ROBO1: variants seen among roughly 807,000 people sequenced by gnomAD.
ROBO1 encodes the protein roundabout guidance receptor 1.
A neutral mutation model predicts 195.9 loss-of-function variants in ROBO1; 149 were observed. That is an observed-to-expected ratio of 0.76 (90% CI 0.67 to 0.87). The LOEUF (loss-of-function observed/expected upper bound fraction) is 0.87. Among genes scored for constraint, ROBO1 ranks in the 40% least tolerant of loss-of-function variants. ROBO1 has a pLI of 0.00. For missense variants in ROBO1, 1,933 were observed against 2,068.3 expected (o/e 0.93, Z 1.27); for synonymous variants, 816 against 733.2 (o/e 1.11, Z -1.82).
intron 4 of ROBO1, among the ~76,000 whole-genome samples, chr3:78,891,721 T>C (rs1426038316): frequency 6.6e-6 from 1 of 152,188 alleles, no homozygotes; most frequent in Non-Finnish European, 1.5e-5. Flanking sequence ...ATAAACAAAT[T>C]GTGATATATT....
intron 3 of ROBO1, among the ~76,000 whole-genome samples, chr3:79,110,108 T>C (rs191382686): frequency 2.0e-5 from 3 of 152,168 alleles, no homozygotes; most frequent in Admixed American, 1.3e-4. Context: ...TCCCTTCAGG[T>C]ACAAAATGGG....
intron 2 of ROBO1, among the ~76,000 whole-genome samples, chr3:79,207,325 T>G (rs562306267): frequency 6.6e-6 from 1 of 152,290 alleles, no homozygotes; most frequent in African/African-American, 2.4e-5. Flanking sequence ...TTTGTCAACC[T>G]TTTTTGAAGG....
At chr3:79,480,749 G>T (rs1311002121) in intron 2 of ROBO1, among the ~76,000 whole-genome samples, 1 of 152,068 alleles carries the variant, frequency 6.6e-6, no homozygotes, top group African/African-American at 2.4e-5. Context: ...TTGGAGCTTG[G>T]TTTAGTTTAT....
chr3:79,251,770 A>AC (rs2082734035), intron 2 of ROBO1, among the ~76,000 whole-genome samples: 1 of 151,844 alleles, frequency 6.6e-6, no homozygotes, highest in South Asian at 2.1e-4. Context: ...AAGCAAACAA[A>AC]AAACAAACAA....
At chr3:78,658,574 G>A (rs554063177) in intron 17 of ROBO1, among the ~76,000 whole-genome samples, 11 of 152,280 alleles carry the variant, frequency 7.2e-5, no homozygotes, top group East Asian at 5.8e-4. Context: ...GAGCCACAGC[G>A]CCCAACTGAC....
At position 78,668,129 on chromosome 3, in the gene ROBO1, T is replaced by C; in HGVS notation, c.1799+5A>G. On this transcript the variant is annotated splice_donor_5th_base_variant and intron_variant, in intron 13 of 30. Coordinates refer to ENST00000464233, the MANE Select transcript of ROBO1 (RefSeq NM_002941.4). ...AACAACTAGGAAGCATCTCCTTCAC[T>C]CTACCTGAAGGCTTCTATAATATAA... is the stretch of plus-strand genomic sequence containing the variant. The C allele has an allele frequency of 6.2e-7, 1 of 1,612,990 alleles. No individual in the cohort carries two copies. Among genetic ancestry groups the C allele is most frequent in the Non-Finnish European group, 8.5e-7 (1 of 1,179,416 alleles).
At chr3:78,976,777 T>C (rs1366617642) in intron 3 of ROBO1, among the ~76,000 whole-genome samples, 1 of 152,186 alleles carries the variant, frequency 6.6e-6, no homozygotes, top group Non-Finnish European at 1.5e-5. Context: ...GTGAGAACAC[T>C]AATAATGAGT....
chr3:79,314,379 G>A (rs1376632930), intron 2 of ROBO1, among the ~76,000 whole-genome samples: 1 of 152,138 alleles, frequency 6.6e-6, no homozygotes, highest in Non-Finnish European at 1.5e-5. Context: ...TTACCCTCAT[G>A]CTGTTCTCAT....
intron 4 of ROBO1, among the ~76,000 whole-genome samples, chr3:78,887,171 G>C (rs1405346235): frequency 1.3e-5 from 2 of 152,202 alleles, no homozygotes; most frequent in African/African-American, 4.8e-5. Context: ...GTAAAGGAGA[G>C]AGGAAAGACA....
intron 2 of ROBO1, among the ~76,000 whole-genome samples, chr3:79,351,789 T>C (rs1277933806): frequency 6.6e-6 from 1 of 152,214 alleles, no homozygotes; most frequent in Non-Finnish European, 1.5e-5. Flanking sequence ...CTTGTTTCTT[T>C]CTTTCTTTTT....
At chr3:79,581,351 C>A (rs890274105) in intron 2 of ROBO1, among the ~76,000 whole-genome samples, 11 of 152,026 alleles carry the variant, frequency 7.2e-5, no homozygotes, top group Non-Finnish European at 2.9e-5. Context: ...CCGTGTGGCA[C>A]GTGGGGTTTT....
Position 79,177,306 on chromosome 3 carries a change from A to G in ROBO1, c.89-51767T>C, listed in dbSNP as rs370913908. Among the ~76,000 whole-genome samples, 19 of 152,350 alleles carry G rather than the reference A, an allele frequency of 1.2e-4. 1 individual carries two copies. Among genetic ancestry groups the G allele is most frequent in the African/African-American group, 4.3e-4 (18 of 41,582 alleles). On this transcript the variant is annotated intron_variant, in intron 2 of 30. Coordinates refer to ENST00000464233, the MANE Select transcript of ROBO1 (RefSeq NM_002941.4). ...CTTGGTACTTCTATTGATCTTTATTAGTTGCTACCATTTTGGAGTCAGAAT... is the reference window on the plus strand; with the variant it reads ...CTTGGTACTTCTATTGATCTTTATTGGTTGCTACCATTTTGGAGTCAGAAT...
chr3:79,265,019 C>T (rs2083011781), intron 2 of ROBO1, among the ~76,000 whole-genome samples: 1 of 151,854 alleles, frequency 6.6e-6, no homozygotes, highest in Non-Finnish European at 1.5e-5. Flanking sequence ...AGAATCAGAA[C>T]ACTTTGGTTT....
intron 10 of ROBO1, among the ~76,000 whole-genome samples, chr3:78,684,334 G>T (rs1437927915): frequency 6.6e-6 from 1 of 152,064 alleles, no homozygotes; most frequent in Non-Finnish European, 1.5e-5. Context: ...TAGATAAAAG[G>T]AATCAATGAT....
At chr3:79,063,475 T>C (rs2078954617) in intron 3 of ROBO1, among the ~76,000 whole-genome samples, 1 of 144,448 alleles carries the variant, frequency 6.9e-6, no homozygotes, top group Non-Finnish European at 1.5e-5. Context: ...CATTTGTTCT[T>C]AATCTCATTC....
intron 2 of ROBO1, among the ~76,000 whole-genome samples, chr3:79,313,800 G>T (rs2033605962): frequency 6.6e-6 from 1 of 152,060 alleles, no homozygotes; most frequent in Non-Finnish European, 1.5e-5. Context: ...GTAAACAGAT[G>T]AATAAGAATG....
chr3:79,102,399 C>A (rs530833324), intron 3 of ROBO1, among the ~76,000 whole-genome samples: 1 of 151,588 alleles, frequency 6.6e-6, no homozygotes, highest in South Asian at 2.1e-4. Flanking sequence ...TCTGAGAGTC[C>A]AAGGTTTTCA....
At chr3:79,224,772 A>C (rs925704572) in intron 2 of ROBO1, among the ~76,000 whole-genome samples, 1 of 152,204 alleles carries the variant, frequency 6.6e-6, no homozygotes, top group African/African-American at 2.4e-5. Context: ...TTGAACCCTA[A>C]GGTGTTTCAT....
chr3:79,343,332 G>A (rs920744210), intron 2 of ROBO1, among the ~76,000 whole-genome samples: 1 of 152,124 alleles, frequency 6.6e-6, no homozygotes, highest in African/African-American at 2.4e-5. Context: ...AAAGTTTCCT[G>A]CTTCTTTGAG....
Sources: gnomAD v4.1 joint callset for allele counts (sites outside exome capture counted in the v4.1 genomes callset) on GRCh38, gnomAD v4.1.1 for gene constraint, MANE v1.5 for transcripts, NCBI Gene and HGNC (gene_info 2026-07-23, HGNC 2026-07-21) for gene names.